Variants in SMARCA2 observed in about 807,000 individuals in gnomAD.
The protein encoded by SMARCA2 is SWI/SNF-related matrix-associated actin-dependent regulator of chromatin subfamily A member 2.
A neutral mutation model predicts 199.8 loss-of-function variants in SMARCA2; 61 were observed. The observed-to-expected ratio is 0.31, with a 90% confidence interval of 0.25 to 0.38. SMARCA2 has a LOEUF of 0.38. Ranked by LOEUF, SMARCA2 falls within the 10% of genes least tolerant of loss-of-function variation. The pLI, the probability that SMARCA2 is intolerant of heterozygous loss-of-function variation, is 1.00. For synonymous variants in SMARCA2, 935 were observed against 732.0 expected (o/e 1.28, Z -4.48); for missense variants, 1,344 against 2,012.2 (o/e 0.67, Z 6.35).
At chr9:2,156,296 A>C (rs1010177430) in intron 27 of SMARCA2, among the ~76,000 whole-genome samples, 9 of 152,062 alleles carry the variant, frequency 5.9e-5, no homozygotes, top group Non-Finnish European at 1.0e-4. Context: ...AACATGTATG[A>C]ACCTGCAGTT....
Position 2,161,967 on chromosome 9 carries a change from G to A in SMARCA2, c.4199+64G>A. ...AAGACGCCGAGTGGCGCTCCCTGAG[G>A]AGCAGGAGTTGTTAAGTTGTGCACT... On this transcript the variant is annotated intron_variant, in intron 28 of 33. Coordinates refer to ENST00000349721, the MANE Select transcript of SMARCA2 (RefSeq NM_003070.5). The surrounding 1 kb of genome is among the most constrained non-coding windows in gnomAD (Gnocchi z 4.7). 1 of 1,343,604 alleles carries A rather than the reference G, an allele frequency of 7.4e-7. No individual in the cohort carries two copies. Among genetic ancestry groups the A allele is most frequent in the Non-Finnish European group, 1.0e-6 (1 of 954,862 alleles). The allele number at this position is 1,343,604 out of a possible 1,614,324, so 83.2% of individuals were successfully genotyped here.
Position 2,110,259 on chromosome 9 carries a change from A to G in SMARCA2, c.3298A>G (p.Thr1100Ala), listed in dbSNP as rs1252315133. Residue 1100 changes from threonine to alanine, a missense_variant, in exon 24 of 34, where the codon ACC (threonine) becomes GCC (alanine). Thr to Ala is a moderately conservative substitution (Grantham distance 58). Around this residue, in one of 18 missense-constraint regions of SMARCA2, gnomAD observed 98 missense variants for 245.6 expected, o/e 0.40. Transcript: ENST00000349721. This position sits in a 1 kb window ranked among gnomAD's most constrained non-coding sequence, Gnocchi z 4.8. ...AATTTTTCTGATCCCCTCAGGCACC[A>G]CCAAGTCTGAAGATCGTGCTGCTTT... ...NFLYLRLDGT[T>A]KSEDRAALLK... 6.2e-7 allele frequency: 1 copy of G among 1,610,678 alleles called. No individual in the cohort carries two copies. The highest frequency in any genetic ancestry group is 8.5e-7 in the Non-Finnish European group (1 of 1,178,624).
intron 27 of SMARCA2, among the ~76,000 whole-genome samples, chr9:2,156,203 T>G (rs181699765): frequency 3.3e-5 from 5 of 152,254 alleles, no homozygotes; most frequent in Admixed American, 3.3e-4. Flanking sequence ...GAACGTGCTA[T>G]CTGTTGAAAT....
At position 2,083,368 on chromosome 9, in the gene SMARCA2, T is replaced by C. The variant is rs1467249078; in HGVS notation, c.2370T>C (p.Tyr790=). The change falls in exon 16 of 34, where the codon TAT becomes TAC. Residue 790 remains tyrosine, a synonymous_variant. Transcript: ENST00000349721. ...VPLSTLSNWT[Y]EFDKWAPSVV... ...ATAGGACTCTATCTAACTGGACATA[T>C]GAATTTGACAAATGGGCTCCTTCTG... 3 of 1,603,454 alleles carry C rather than the reference T, an allele frequency of 1.9e-6. No homozygotes were observed. Among genetic ancestry groups the C allele is most frequent in the South Asian group, 1.1e-5 (1 of 90,340 alleles).
intron 29 of SMARCA2, among the ~76,000 whole-genome samples, chr9:2,180,458 G>T (rs904064160): frequency 6.6e-6 from 1 of 152,196 alleles, no homozygotes; most frequent in East Asian, 1.9e-4. Flanking sequence ...AAAACAGCAT[G>T]TTGTCACTCA....
At chr9:2,124,703 C>T (rs1398751237) in intron 27 of SMARCA2, among the ~76,000 whole-genome samples, 2 of 152,146 alleles carry the variant, frequency 1.3e-5, no homozygotes, top group East Asian at 1.9e-4. Context: ...ATGGTGATTT[C>T]TCATTTTGAT....
rs143133620 is a variant in SMARCA2 at position 2,137,536 on chromosome 9, A to G, written c.3981+13599A>G. ...ATGTGGCTGTCTCCTCCTTGTCCCA[A>G]TGATCTCCTTCCAGAGAGACCCTTC... On this transcript the variant is annotated intron_variant, in intron 27 of 33. Coordinates refer to ENST00000349721, the MANE Select transcript of SMARCA2 (RefSeq NM_003070.5). Among the ~76,000 whole-genome samples the G allele has an allele frequency of 7.6e-3, 1,158 of 152,142 alleles. 12 individuals carry two copies. Among genetic ancestry groups the G allele is most frequent in the African/African-American group, 0.027 (1,100 of 41,496 alleles).
intron 27 of SMARCA2, among the ~76,000 whole-genome samples, chr9:2,136,672 G>C (rs926676240): frequency 1.4e-4 from 22 of 152,046 alleles, no homozygotes; most frequent in African/African-American, 4.8e-4. Context: ...CCTTATTAGT[G>C]CAATTAGGAG....
chr9:2,094,988 C>T (rs1482607792), intron 19 of SMARCA2, among the ~76,000 whole-genome samples: 12 of 152,016 alleles, frequency 7.9e-5, no homozygotes, highest in Admixed American at 7.9e-4. Flanking sequence ...ATCTCACAGA[C>T]GTACCTTAAA....
intron 14 of SMARCA2, among the ~76,000 whole-genome samples, chr9:2,078,138 C>A (rs1183572089): frequency 1.3e-5 from 2 of 152,096 alleles, no homozygotes; most frequent in African/African-American, 4.8e-5. Flanking sequence ...TGGATTGAAC[C>A]CACCTAGGAG....
intron 29 of SMARCA2, among the ~76,000 whole-genome samples, chr9:2,173,815 C>G (rs920538515): frequency 6.6e-6 from 1 of 152,178 alleles, no homozygotes; most frequent in African/African-American, 2.4e-5. Context: ...AAAGAACCCC[C>G]TTTTCACGGG....
chr9:2,049,938 A>G (rs559351327), intron 5 of SMARCA2, among the ~76,000 whole-genome samples: 92 of 152,336 alleles, frequency 6.0e-4, no homozygotes, highest in African/African-American at 2.2e-3. Context: ...CTCTTTTACA[A>G]TTTGATAAAC....
chr9:2,086,740 C>T lies in SMARCA2; in HGVS notation c.2527-89C>T. On this transcript the variant is annotated intron_variant, in intron 17 of 33. Transcript: ENST00000349721. The surrounding 1 kb of genome is among the most constrained non-coding windows in gnomAD (Gnocchi z 4.3). ...GCATATCATATACCAAGGATGGGTT[C>T]TTTGGTTTTCCGCACCACCACTTGC... is the stretch of plus-strand genomic sequence containing the variant. 2 of 1,454,712 alleles carry T rather than the reference C, an allele frequency of 1.4e-6. No individual in the cohort carries two copies. The highest frequency in any genetic ancestry group is 1.2e-5 in the South Asian group (1 of 81,934). The allele number at this position is 1,454,712 out of a possible 1,614,324, so 90.1% of individuals were successfully genotyped here. A position where few individuals can be genotyped will look rare whatever the true frequency, so the allele number is the denominator to read the frequency against.
At position 2,161,972 on chromosome 9, in the gene SMARCA2, G is replaced by C; in HGVS notation, c.4199+69G>C. ...GCCGAGTGGCGCTCCCTGAGGAGCA[G>C]GAGTTGTTAAGTTGTGCACTTAGGT... On this transcript the variant is annotated intron_variant, in intron 28 of 33. Transcript: ENST00000349721. The surrounding 1 kb of genome is among the most constrained non-coding windows in gnomAD (Gnocchi z 4.7). The C allele has an allele frequency of 7.7e-7, 1 of 1,306,482 alleles. No individual in the cohort carries two copies. Among genetic ancestry groups the C allele is most frequent in the Non-Finnish European group, 1.1e-6 (1 of 924,402 alleles). 80.9% of individuals were successfully genotyped at this position (1,306,482 alleles called of 1,614,324 possible). A position where few individuals can be genotyped will look rare whatever the true frequency, so the allele number is the denominator to read the frequency against.
At chr9:2,141,269 C>G (rs528005553) in intron 27 of SMARCA2, among the ~76,000 whole-genome samples, 29 of 152,130 alleles carry the variant, frequency 1.9e-4, no homozygotes, top group Non-Finnish European at 3.4e-4. Context: ...CCTTTTAATT[C>G]CTTTAAAGAT....
chr9:2,178,871 T>G (rs2129840399), intron 29 of SMARCA2, among the ~76,000 whole-genome samples: 1 of 152,264 alleles, frequency 6.6e-6, no homozygotes, highest in East Asian at 1.9e-4. Flanking sequence ...ATCCAATCCC[T>G]TGCTCTGGGA....
chr9:2,056,785 C>T lies in SMARCA2; in HGVS notation c.1287C>T (p.Thr429=), dbSNP rs763035033. 5.0e-6 allele frequency: 8 copies of T among 1,614,004 alleles called. No individual in the cohort carries two copies. The South Asian group carries it at 5.5e-5, about 11-fold the overall frequency. The change falls in exon 7 of 34, where the codon ACC becomes ACT. Residue 429 remains threonine, a synonymous_variant. Coordinates refer to ENST00000349721, the MANE Select transcript of SMARCA2 (RefSeq NM_003070.5). This position sits in a 1 kb window ranked among gnomAD's most constrained non-coding sequence, Gnocchi z 4.0. ...KRQTLREARM[T]EKLEKQQKIE... ...AGACTCTGAGAGAAGCTCGCATGACCGAGAAGCTGGAGAAGCAGCAGAAGA... is the reference window on the plus strand; with the variant it reads ...AGACTCTGAGAGAAGCTCGCATGACTGAGAAGCTGGAGAAGCAGCAGAAGA...
At position 2,181,696 on chromosome 9, in the gene SMARCA2, A is replaced by C. The variant is rs747647277; in HGVS notation, c.4359+20A>C. 6.7e-6 allele frequency: 8 copies of C among 1,186,856 alleles called. No individual in the cohort carries two copies. The East Asian group carries it at 9.3e-5, about 14-fold the overall frequency. The allele number at this position is 1,186,856 out of a possible 1,614,324, so 73.5% of individuals were successfully genotyped here. On this transcript the variant is annotated intron_variant, in intron 30 of 33. Transcript: ENST00000349721. The stretch of plus-strand genomic sequence containing the variant: ...ATAAAGGTAGATATTTTGTTTACCA[A>C]CTTTATTCTTCAAGTAAATAAAGGA...
chr9:2,170,575 G>A lies in SMARCA2; in HGVS notation c.4253+103G>A. The A allele has an allele frequency of 5.7e-6, 9 of 1,579,546 alleles. No individual in the cohort carries two copies. The highest frequency in any genetic ancestry group is 6.9e-6 in the Non-Finnish European group (8 of 1,156,632). ...CGGCCTTTGGAAGCAAATTTCTTCG[G>A]TCACCTCCTGATCACCCCTACTTGG... On this transcript the variant is annotated intron_variant, in intron 29 of 33. Coordinates refer to ENST00000349721, the MANE Select transcript of SMARCA2 (RefSeq NM_003070.5). The surrounding 1 kb of genome is among the most constrained non-coding windows in gnomAD (Gnocchi z 4.7).
Sources: allele counts gnomAD v4.1 joint callset (sites outside exome capture counted in the v4.1 genomes callset), GRCh38; gene constraint gnomAD v4.1.1; regional missense constraint gnomAD v4.1.1; non-coding constraint Gnocchi (gnomAD v3.1); transcripts MANE v1.5; gene names NCBI Gene and HGNC (gene_info 2026-07-23, HGNC 2026-07-21).